Variants in LCOR observed in about 807,000 individuals in gnomAD.
The protein encoded by LCOR is ligand dependent nuclear receptor corepressor, also known as ligand-dependent corepressor.
A neutral mutation model predicts 64.4 loss-of-function variants in LCOR; 14 were observed. The ratio of observed to expected loss-of-function variants is 0.22; its 90% CI spans 0.14 to 0.34. The LOEUF is 0.34. Ranked by LOEUF, LCOR falls within the 10% of genes least tolerant of loss-of-function variation. The pLI, the probability that LCOR is intolerant of heterozygous loss-of-function variation, is 1.00. For synonymous variants in LCOR, 643 were observed against 642.5 expected (o/e 1.00, Z -0.01); for missense variants, 1,686 against 1,765.3 (o/e 0.96, Z 0.80).
chr10:96,854,778 G>A (rs1010331686), intron 2 of LCOR, among the ~76,000 whole-genome samples: 4 of 152,142 alleles, frequency 2.6e-5, no homozygotes, highest in Admixed American at 2.0e-4. Context: ...AGATGTACTA[G>A]AATTGGTGAT....
At chr10:96,932,519 A>C (rs535013818) in intron 4 of LCOR, among the ~76,000 whole-genome samples, 1 of 151,842 alleles carries the variant, frequency 6.6e-6, no homozygotes, top group Non-Finnish European at 1.5e-5. Context: ...GCTGGAGTGC[A>C]GTGGTGCGAT....
At chr10:96,931,344 C>T (rs1847257292) in intron 4 of LCOR, among the ~76,000 whole-genome samples, 1 of 151,526 alleles carries the variant, frequency 6.6e-6, no homozygotes, top group Non-Finnish European at 1.5e-5. Flanking sequence ...AGTGATTCTT[C>T]TGCATCAGCT....
chr10:96,983,376 A>G lies in LCOR; in HGVS notation c.2916A>G (p.Pro972=), dbSNP rs769042990. 5 of 1,614,242 alleles carry G rather than the reference A, an allele frequency of 3.1e-6. No individual in the cohort carries two copies. The Admixed American group carries it at 5.0e-5, about 16-fold the overall frequency. ...PSESIACKRD[P]EQAKEEPGHI... ...AAAGTATTGCTTGTAAGAGGGACCCAGAACAGGCAAAAGAAGAGCCAGGGC... is the reference window on the plus strand; with the variant it reads ...AAAGTATTGCTTGTAAGAGGGACCCGGAACAGGCAAAAGAAGAGCCAGGGC... The change falls in exon 8 of 8, where the codon CCA becomes CCG. Residue 972 remains proline (P), a synonymous_variant. Coordinates refer to ENST00000421806, the MANE Select transcript of LCOR (RefSeq NM_001346516.2). This position sits in a 1 kb window ranked among gnomAD's most constrained non-coding sequence, Gnocchi z 4.5.
chr10:96,943,339 C>T (rs1048412845), intron 4 of LCOR, among the ~76,000 whole-genome samples: 14 of 152,196 alleles, frequency 9.2e-5, no homozygotes, highest in African/African-American at 1.4e-4. Flanking sequence ...TCAAGTGATC[C>T]GCCCGCCTCG....
chr10:96,939,739 G>A (rs1004830136), intron 4 of LCOR, among the ~76,000 whole-genome samples: 13 of 152,286 alleles, frequency 8.5e-5, no homozygotes, highest in Admixed American at 2.0e-4. Flanking sequence ...CGAGGCGGGC[G>A]GATCACAAGG....
In LCOR at chr10:96,990,634, G is replaced by C. The variant is rs1423781526; in HGVS notation, c.*5500G>C. On this transcript the variant is annotated 3_prime_UTR_variant, in exon 8 of 8. Transcript: ENST00000421806. ...GTGCTGTGCTGTGTCATGCCGTCCT[G>C]GGGCCCGGGGAACCACCCTGAGCAC... 6.6e-6 allele frequency: 1 copy of C among 152,344 alleles called. No individual in the cohort carries two copies. 9.4% of individuals were successfully genotyped at this position (152,344 alleles called of 1,614,324 possible).
At chr10:96,908,350 G>T (rs1270241406) in intron 4 of LCOR, among the ~76,000 whole-genome samples, 1 of 152,124 alleles carries the variant, frequency 6.6e-6, no homozygotes, top group Non-Finnish European at 1.5e-5. Context: ...TCAAACTGTT[G>T]TGTTTATTTA....
intron 4 of LCOR, among the ~76,000 whole-genome samples, chr10:96,942,269 G>A (rs1288302716): frequency 1.3e-5 from 2 of 151,912 alleles, no homozygotes; most frequent in East Asian, 3.9e-4. Context: ...GCAAAACCCC[G>A]TCTCCACCAA....
chr10:96,885,451 G>A (rs1259663928), intron 2 of LCOR, among the ~76,000 whole-genome samples: 2 of 151,720 alleles, frequency 1.3e-5, no homozygotes, highest in Non-Finnish European at 2.9e-5. Flanking sequence ...GCATGATCAC[G>A]GCTCACTGTT....
intron 7 of LCOR, chr10:96,955,981 C>A: frequency 6.5e-7 from 1 of 1,542,806 alleles, no homozygotes; most frequent in Non-Finnish European, 8.7e-7. Context: ...CATCATTGTT[C>A]AGCTATCATT....
chr10:96,938,715 A>G (rs2134501906), intron 4 of LCOR, among the ~76,000 whole-genome samples: 1 of 152,364 alleles, frequency 6.6e-6, no homozygotes, highest in Admixed American at 6.5e-5. Flanking sequence ...AAAAAATAAT[A>G]ATTGTATTGC....
intron 2 of LCOR, among the ~76,000 whole-genome samples, chr10:96,869,553 C>T (rs934949033): frequency 1.3e-5 from 2 of 148,944 alleles, no homozygotes; most frequent in African/African-American, 4.9e-5. Context: ...CTCAGTAGTT[C>T]GTTCATTGGT....
intron 6 of LCOR, 74 bp from the exon 7 acceptor site, chr10:96,952,029 T>C: frequency 9.5e-7 from 1 of 1,056,304 alleles, no homozygotes; most frequent in East Asian, 2.4e-5. Flanking sequence ...AACTGCTTTT[T>C]CATTTTTAGC....
intron 7 of LCOR, among the ~76,000 whole-genome samples, chr10:96,968,780 CA>C (rs966900236): frequency 6.6e-6 from 1 of 151,986 alleles, no homozygotes; most frequent in Non-Finnish European, 1.5e-5. Flanking sequence ...ACAAAAAATC[CA>C]AAAATTAGCT....
chr10:96,944,346 C>A, intron 5 of LCOR, 101 bp downstream of exon 5: 1 of 622,734 alleles, frequency 1.6e-6, no homozygotes, highest in Non-Finnish European at 2.0e-6. Flanking sequence ...AAACATTTTT[C>A]TTTATTGATA....
chr10:96,926,177 A>G (rs186798150), intron 4 of LCOR, among the ~76,000 whole-genome samples: 4 of 152,182 alleles, frequency 2.6e-5, no homozygotes, highest in Admixed American at 6.5e-5. Flanking sequence ...TTTTTTGCCC[A>G]TCTGCATACA....
chr10:96,889,618 C>T (rs1017375193), intron 2 of LCOR, among the ~76,000 whole-genome samples: 1 of 152,158 alleles, frequency 6.6e-6, no homozygotes, highest in African/African-American at 2.4e-5. Flanking sequence ...CCCTTCTGAC[C>T]TCATTTCATC....
chr10:96,871,784 T>A (rs1158940783), intron 2 of LCOR, among the ~76,000 whole-genome samples: 1 of 152,130 alleles, frequency 6.6e-6, no homozygotes, highest in Non-Finnish European at 1.5e-5. Flanking sequence ...TTTTAAGAAG[T>A]AGCTACAGTA....
intron 4 of LCOR, among the ~76,000 whole-genome samples, chr10:96,937,725 G>C (rs941206710): frequency 4.6e-5 from 7 of 152,100 alleles, no homozygotes; most frequent in Admixed American, 3.3e-4. Context: ...CAAAGTATAG[G>C]AGAAGAGAGA....
Sources: gnomAD v4.1 joint callset for allele counts (sites outside exome capture counted in the v4.1 genomes callset) on GRCh38, gnomAD v4.1.1 for gene constraint, Gnocchi (gnomAD v3.1) non-coding constraint, MANE v1.5 for transcripts, NCBI Gene and HGNC (gene_info 2026-07-23, HGNC 2026-07-21) for gene names.